The following KDM1A variants were observed in gnomAD, a reference collection of about 807,000 sequenced individuals.
The protein encoded by KDM1A is lysine-specific histone demethylase 1A.
A neutral mutation model predicts 109.4 loss-of-function variants in KDM1A; 49 were observed. The ratio of observed to expected loss-of-function variants is 0.45; its 90% CI spans 0.36 to 0.57. KDM1A has a LOEUF of 0.57. KDM1A is among the 20% of genes least tolerant of loss of function. KDM1A has a pLI of 0.00. For synonymous variants in KDM1A, 380 were observed against 415.4 expected (o/e 0.91, Z 1.04); for missense variants, 668 against 1,116.6 (o/e 0.60, Z 5.73).
intron 15 of KDM1A, among the ~76,000 whole-genome samples, chr1:23,074,980 C>G (rs897701105): frequency 6.6e-6 from 1 of 152,110 alleles, no homozygotes; most frequent in South Asian, 2.1e-4. Context: ...GTACGTATTT[C>G]CATAACAGTT....
chr1:23,019,492 T>G lies in KDM1A; in HGVS notation c.-105T>G. 1 of 1,291,540 alleles carries G rather than the reference T, an allele frequency of 7.7e-7. No homozygotes were observed. Among genetic ancestry groups the G allele is most frequent in the Non-Finnish European group, 9.8e-7 (1 of 1,020,042 alleles). The allele number at this position is 1,291,540 out of a possible 1,614,324, so 80.0% of individuals were successfully genotyped here. A position where few individuals can be genotyped will look rare whatever the true frequency, so the allele number is the denominator to read the frequency against. ...TGGCGCGTGCGTACGCGACGGCGGT[T>G]GGCGGCGCGCGGGCAGCGTGAAGCG... On this transcript the variant is annotated 5_prime_UTR_variant, in exon 1 of 21. Coordinates refer to ENST00000400181, the MANE Select transcript of KDM1A (RefSeq NM_001009999.3).
chr1:23,040,343 ACATT>A (rs1569679417), intron 2 of KDM1A, among the ~76,000 whole-genome samples: 1 of 152,196 alleles, frequency 6.6e-6, no homozygotes, highest in Non-Finnish European at 1.5e-5. Context: ...AGATGAGAAA[ACATT>A]CAGTAATGTG....
chr1:23,057,778 G>A (rs920186857), intron 8 of KDM1A: 4 of 234,686 alleles, frequency 1.7e-5, no homozygotes, highest in African/African-American at 9.5e-5. Flanking sequence ...ATGAAGATAA[G>A]TAGATAATGT....
chr1:23,036,444 G>GCCCCCCCCC (rs5773033), intron 2 of KDM1A, among the ~76,000 whole-genome samples: 1 of 121,708 alleles, frequency 8.2e-6, no homozygotes, highest in African/African-American at 3.1e-5. Context: ...TTCTTGCCAC[G>GCCCCCCCCC]CCCCCCCCCT....
At chr1:23,036,561 A>T (rs1407176902) in intron 2 of KDM1A, among the ~76,000 whole-genome samples, 2 of 151,238 alleles carry the variant, frequency 1.3e-5, no homozygotes, top group Admixed American at 1.3e-4. Context: ...GAAAGTGACA[A>T]GCTGAAAAGG....
intron 13 of KDM1A, among the ~76,000 whole-genome samples, chr1:23,071,814 C>G (rs151184777): frequency 2.6e-5 from 4 of 152,184 alleles, no homozygotes; most frequent in African/African-American, 4.8e-5. Flanking sequence ...GTGCCAGGGA[C>G]ATGGCATGCT....
At chr1:23,073,944 C>T (rs895296663) in intron 15 of KDM1A, among the ~76,000 whole-genome samples, 1 of 152,104 alleles carries the variant, frequency 6.6e-6, no homozygotes, top group African/African-American at 2.4e-5. Context: ...TGCTAATGAA[C>T]GAAGCTGCTT....
intron 3 of KDM1A, among the ~76,000 whole-genome samples, chr1:23,045,387 T>C (rs1642473061): frequency 6.6e-6 from 1 of 152,224 alleles, no homozygotes; most frequent in African/African-American, 2.4e-5. Context: ...GAACTAAAGG[T>C]AGTTCATTGT....
At chr1:23,080,679 C>T (rs942457309) in intron 18 of KDM1A, among the ~76,000 whole-genome samples, 7 of 152,194 alleles carry the variant, frequency 4.6e-5, no homozygotes, top group African/African-American at 1.7e-4. Flanking sequence ...TCTGCGTGTA[C>T]TGTGGTCTAG....
At chr1:23,044,029 A>T (rs187184801) in intron 2 of KDM1A, among the ~76,000 whole-genome samples, 101 of 152,312 alleles carry the variant, frequency 6.6e-4, no homozygotes, top group African/African-American at 2.3e-3. Flanking sequence ...ACGGATATTA[A>T]GTTGATGCTG....
At chr1:23,072,280 A>C (rs932443955) in intron 14 of KDM1A, 83 bp downstream of exon 14, 1 of 968,296 alleles carries the variant, frequency 1.0e-6, no homozygotes, top group African/African-American at 1.6e-5. Context: ...TCTAAATCAT[A>C]ATGAGCTTTT....
At position 23,083,358 on chromosome 1, in the gene KDM1A, C is replaced by T; in HGVS notation, c.2625C>T (p.Ser875=). The change falls in exon 21 of 21, where the codon AGC becomes AGT. Residue 875 remains serine (S), a synonymous_variant. Transcript: ENST00000400181. ...GTGTTCCTGCACAGCAGTCCCCAAGCATGTGAGACAGATGCATTCTAAGGG... is the reference window on the plus strand; with the variant it reads ...GTGTTCCTGCACAGCAGTCCCCAAGTATGTGAGACAGATGCATTCTAAGGG... ...TPGVPAQQSP[S]M is the part of the protein sequence containing the mutation. 1.2e-6 allele frequency: 2 copies of T among 1,611,564 alleles called. No homozygotes were observed. Among genetic ancestry groups the T allele is most frequent in the South Asian group, 1.1e-5 (1 of 90,878 alleles).
chr1:23,047,819 C>G (rs1642544956), intron 3 of KDM1A, among the ~76,000 whole-genome samples: 1 of 151,678 alleles, frequency 6.6e-6, no homozygotes, highest in Non-Finnish European at 1.5e-5. Context: ...GCTACTTGAG[C>G]TCAGGAGGTG....
At chr1:23,081,376 G>A in intron 18 of KDM1A, 70 bp from the exon 19 acceptor site, 1 of 1,565,394 alleles carries the variant, frequency 6.4e-7, no homozygotes, top group Non-Finnish European at 8.8e-7. Flanking sequence ...GAATAAGGTG[G>A]GGCCTGATAA....
At chr1:23,025,723 G>A (rs1641776777) in intron 1 of KDM1A, among the ~76,000 whole-genome samples, 1 of 152,174 alleles carries the variant, frequency 6.6e-6, no homozygotes, top group Admixed American at 6.5e-5. Flanking sequence ...AAAGATGGAA[G>A]TAGCTTTAGG....
chr1:23,022,861 G>C (rs1641682581), intron 1 of KDM1A, among the ~76,000 whole-genome samples: 1 of 151,532 alleles, frequency 6.6e-6, no homozygotes, highest in Non-Finnish European at 1.5e-5. Context: ...GTTTCACCAT[G>C]TTGGCCAGGA....
intron 2 of KDM1A, among the ~76,000 whole-genome samples, chr1:23,042,454 T>TTTTC (rs1642371952): frequency 1.9e-5 from 2 of 107,806 alleles, no homozygotes; most frequent in South Asian, 6.7e-4. Context: ...TTTTTTTTTT[T>TTTTC]TTTTTTTTTT....
chr1:23,078,886 T>G, intron 16 of KDM1A, 104 bp from the exon 17 acceptor site: 118 of 1,035,040 alleles, frequency 1.1e-4, no homozygotes, highest in Middle Eastern at 3.2e-4. Flanking sequence ...AATAGAAAAA[T>G]GAGAATTGAG....
chr1:23,074,461 A>G (rs1643405847), intron 15 of KDM1A, among the ~76,000 whole-genome samples: 1 of 152,102 alleles, frequency 6.6e-6, no homozygotes, highest in East Asian at 1.9e-4. Flanking sequence ...TTTTCTTTTG[A>G]GACAAGGTCT....
Sources: gnomAD v4.1 joint callset for allele counts (sites outside exome capture counted in the v4.1 genomes callset) on GRCh38, gnomAD v4.1.1 for gene constraint, MANE v1.5 for transcripts, NCBI Gene and HGNC (gene_info 2026-07-23, HGNC 2026-07-21) for gene names.